CCDC39: variants seen among roughly 807,000 people sequenced by gnomAD.
CCDC39 encodes coiled-coil domain-containing protein 39.
In CCDC39, 113 loss-of-function variants were observed where a neutral mutation model predicts 121.0. The observed-to-expected ratio is 0.93, with a 90% CI of 0.80 to 1.09. CCDC39 has a LOEUF of 1.09. Ranked by LOEUF, CCDC39 falls within the 50% of genes least tolerant of loss-of-function variation. CCDC39 has a pLI of 0.00. For missense variants in CCDC39, 1,063 were observed against 1,074.7 expected (o/e 0.99, Z 0.15); for synonymous variants, 349 against 352.2 (o/e 0.99, Z 0.10).
chr3:180,620,047 C>G (rs1284776188), intron 14 of CCDC39, 77 bp from the exon 15 acceptor site: 1 of 1,134,516 alleles, frequency 8.8e-7, no homozygotes, highest in Non-Finnish European at 1.2e-6. Flanking sequence ...GTCTTTGGAG[C>G]AGAAAATAGT....
chr3:180,616,392 G>T (rs772684699), intron 18 of CCDC39, 29 bp from the exon 19 acceptor site: 5 of 1,572,202 alleles, frequency 3.2e-6, no homozygotes, highest in Admixed American at 3.7e-5. Context: ...GCAATCATTA[G>T]TACTACCTAC....
chr3:180,625,794 T>C (rs1365910941), intron 14 of CCDC39, among the ~76,000 whole-genome samples: 1 of 151,844 alleles, frequency 6.6e-6, no homozygotes, highest in African/African-American at 2.4e-5. Flanking sequence ...GTATGGTTAT[T>C]AGTTGAGCTT....
At chr3:180,655,933 C>T (rs546226474) in intron 6 of CCDC39, among the ~76,000 whole-genome samples, 2 of 151,954 alleles carry the variant, frequency 1.3e-5, no homozygotes, top group African/African-American at 4.8e-5. Context: ...GCATGTATTC[C>T]AAAATGAGGT....
At position 180,679,433 on chromosome 3, in the gene CCDC39, C is replaced by T. The variant is rs1712332246; in HGVS notation, c.-53G>A. 1.3e-6 allele frequency: 2 copies of T among 1,540,392 alleles called. No homozygotes were observed. The highest frequency in any genetic ancestry group is 2.7e-5 in the African/African-American group (2 of 73,070). On this transcript the variant is annotated 5_prime_UTR_variant, in exon 1 of 20. Coordinates refer to ENST00000476379, the MANE Select transcript of CCDC39 (RefSeq NM_181426.2). This position sits in a 1 kb window ranked among gnomAD's most constrained non-coding sequence, Gnocchi z 4.0. ...AGCAAAGATCCGCCTTCTTGTACAG[C>T]GGGTGAGCAGCACCCGCGTCAAGCC...
chr3:180,651,063 C>A (rs1425505184), intron 9 of CCDC39, among the ~76,000 whole-genome samples: 1 of 151,810 alleles, frequency 6.6e-6, no homozygotes, highest in Non-Finnish European at 1.5e-5. Context: ...GGCGTGGTTG[C>A]AGGCACCTGT....
intron 12 of CCDC39, among the ~76,000 whole-genome samples, chr3:180,643,020 T>C (rs1220543332): frequency 2.0e-5 from 3 of 151,498 alleles, no homozygotes; most frequent in Non-Finnish European, 4.4e-5. Context: ...AGCGCAGTGG[T>C]GCGATCTCCG....
chr3:180,676,886 C>T (rs981545322), intron 1 of CCDC39, among the ~76,000 whole-genome samples: 4 of 151,768 alleles, frequency 2.6e-5, no homozygotes, highest in Admixed American at 6.6e-5. Flanking sequence ...CAAACTATTG[C>T]AAGGACAAAA....
chr3:180,642,072 G>C lies in CCDC39; in HGVS notation c.1795C>G (p.Arg599Gly). The change falls in exon 13 of 20, where the codon CGA becomes GGA. Residue 599 changes from arginine to glycine, a missense_variant. Physicochemically the swap from Arg to Gly is moderately radical, Grantham distance 125 (BLOSUM62 -2). Coordinates refer to ENST00000476379, the MANE Select transcript of CCDC39 (RefSeq NM_181426.2). ...TTATGAACCTTGATTTCTTCAGTTCGCTCTTCCATTGCTGTGTATAATTGC... is the reference window on the plus strand; with the variant it reads ...TTATGAACCTTGATTTCTTCAGTTCCCTCTTCCATTGCTGTGTATAATTGC... ...KQQLYTAMEE[R>G]TEEIKVHKTM... The C allele has an allele frequency of 3.7e-6, 6 of 1,611,134 alleles. No homozygotes were observed. The highest frequency in any genetic ancestry group is 5.1e-6 in the Non-Finnish European group (6 of 1,178,216).
intron 2 of CCDC39, among the ~76,000 whole-genome samples, chr3:180,662,839 T>G (rs1711775899): frequency 6.6e-6 from 1 of 152,180 alleles, no homozygotes; most frequent in Non-Finnish European, 1.5e-5. Flanking sequence ...TGATTATAAA[T>G]TGCTTTTTAA....
chr3:180,623,422 G>C (rs553032886), intron 14 of CCDC39, among the ~76,000 whole-genome samples: 6 of 151,902 alleles, frequency 3.9e-5, no homozygotes, highest in African/African-American at 1.2e-4. Context: ...TTGATCATTT[G>C]TAAATTTTTT....
intron 2 of CCDC39, among the ~76,000 whole-genome samples, chr3:180,662,693 A>G (rs1711771941): frequency 6.6e-6 from 1 of 152,174 alleles, no homozygotes; most frequent in Non-Finnish European, 1.5e-5. Context: ...TTAACAACTT[A>G]AGGAAAAGTG....
chr3:180,657,176 G>T lies in CCDC39; in HGVS notation c.739-2223C>A, dbSNP rs546019201. Among the ~76,000 whole-genome samples the T allele has an allele frequency of 3.9e-5, 6 of 152,254 alleles. No homozygotes were observed. In the East Asian group the frequency reaches 5.8e-4, roughly 15 times the overall value. On this transcript the variant is annotated intron_variant, in intron 6 of 19. Transcript: ENST00000476379. ...AAATCAGAAATCCTATAGATCAGGG[G>T]TTTTTTCAAAATGTGTTGTTTTGTT... is the stretch of plus-strand genomic sequence containing the variant.
At chr3:180,661,320 T>C (rs1180012367) in intron 3 of CCDC39, among the ~76,000 whole-genome samples, 1 of 152,050 alleles carries the variant, frequency 6.6e-6, no homozygotes, top group Non-Finnish European at 1.5e-5. Context: ...AGTATGTAAT[T>C]ATACACAAAG....
At chr3:180,631,433 T>C in intron 14 of CCDC39, 36 bp downstream of exon 14, 2 of 1,554,148 alleles carry the variant, frequency 1.3e-6, no homozygotes, top group Non-Finnish European at 1.7e-6. Flanking sequence ...CAAAGAAAAT[T>C]TCATACCATC....
chr3:180,636,153 GA>G (rs1717819995), intron 13 of CCDC39, among the ~76,000 whole-genome samples: 1 of 152,146 alleles, frequency 6.6e-6, no homozygotes, highest in South Asian at 2.1e-4. Flanking sequence ...AGGAAGAGAG[GA>G]AGTCAAACTA....
chr3:180,663,113 A>C (rs1315264435), intron 2 of CCDC39, among the ~76,000 whole-genome samples: 6 of 152,156 alleles, frequency 3.9e-5, no homozygotes, highest in Admixed American at 3.9e-4. Flanking sequence ...ATCTTAAATA[A>C]AGTCTCTTAA....
chr3:180,660,503 T>C (rs1458285402), intron 4 of CCDC39, 67 bp downstream of exon 4: 2 of 1,344,022 alleles, frequency 1.5e-6, no homozygotes, highest in Non-Finnish European at 2.0e-6. Flanking sequence ...AGTATAACTT[T>C]AGGTAAATAG....
At chr3:180,655,584 G>C (rs897432279) in intron 6 of CCDC39, among the ~76,000 whole-genome samples, 1 of 151,964 alleles carries the variant, frequency 6.6e-6, no homozygotes, top group Non-Finnish European at 1.5e-5. Flanking sequence ...GAAAAAAGAC[G>C]TGCCCAAGAG....
At chr3:180,644,989 A>T (rs562199143) in intron 11 of CCDC39, among the ~76,000 whole-genome samples, 2 of 152,132 alleles carry the variant, frequency 1.3e-5, no homozygotes, top group Non-Finnish European at 2.9e-5. Context: ...GATAGTAAGG[A>T]TATCAACAAT....
Sources: allele counts gnomAD v4.1 joint callset (sites outside exome capture counted in the v4.1 genomes callset), GRCh38; gene constraint gnomAD v4.1.1; non-coding constraint Gnocchi (gnomAD v3.1); transcripts MANE v1.5; gene names NCBI Gene and HGNC (gene_info 2026-07-23, HGNC 2026-07-21).